Variants in SYT16 observed in about 807,000 individuals in gnomAD.
SYT16 encodes the protein synaptotagmin-16.
A neutral mutation model predicts 61.4 loss-of-function variants in SYT16; 42 were observed. That is an observed-to-expected ratio of 0.68 (90% CI 0.53 to 0.89). The LOEUF is 0.89. Ranked by LOEUF, SYT16 falls within the 40% of genes least tolerant of loss-of-function variation. The pLI, the probability that SYT16 is intolerant of heterozygous loss-of-function variation, is 0.00. For synonymous variants in SYT16, 314 were observed against 302.3 expected, an observed-to-expected ratio of 1.04 and a Z score of -0.40; for missense variants, 804 against 807.3, an observed-to-expected ratio of 1.00 and a Z score of 0.05.
chr14:62,079,365 G>A (rs1462147276), intron 5 of SYT16: 1 of 1,219,936 alleles, frequency 8.2e-7, no homozygotes, highest in African/African-American at 1.6e-5. Context: ...AAAAGAAAAG[G>A]ATATTTATTA....
chr14:61,938,241 T>C (rs2050067917), intron 1 of SYT16, among the ~76,000 whole-genome samples: 2 of 152,182 alleles, frequency 1.3e-5, no homozygotes, highest in African/African-American at 4.8e-5. Context: ...CTGGTGTTTA[T>C]TGAATGATAC....
At chr14:61,950,437 T>TC (rs2050624339) in intron 1 of SYT16, among the ~76,000 whole-genome samples, 1 of 152,200 alleles carries the variant, frequency 6.6e-6, no homozygotes, top group African/African-American at 2.4e-5. Flanking sequence ...CATGTAATCT[T>TC]CCCTTGATGT....
intron 1 of SYT16, among the ~76,000 whole-genome samples, chr14:61,947,758 T>G (rs1216429607): frequency 1.3e-5 from 2 of 152,198 alleles, no homozygotes; most frequent in African/African-American, 2.4e-5. Context: ...TGGATTAAAC[T>G]AACAATGATG....
At chr14:62,050,954 G>C (rs527661398) in intron 3 of SYT16, among the ~76,000 whole-genome samples, 2 of 152,330 alleles carry the variant, frequency 1.3e-5, no homozygotes, top group East Asian at 1.9e-4. Context: ...TCCGTTCTCA[G>C]ATCTCAAGCT....
At chr14:62,084,481 A>G in intron 7 of SYT16, 96 bp downstream of exon 7, 1 of 1,374,996 alleles carries the variant, frequency 7.3e-7, no homozygotes, top group Non-Finnish European at 9.7e-7. Context: ...TTACCATAAA[A>G]ATGATCTTAT....
intron 3 of SYT16, among the ~76,000 whole-genome samples, chr14:62,034,234 C>G (rs560286991): frequency 6.6e-6 from 1 of 152,072 alleles, no homozygotes; most frequent in African/African-American, 2.4e-5. Flanking sequence ...AAAATTGGAA[C>G]CTTAATATAC....
chr14:61,820,230 A>G (rs1353945552), intron 1 of SYT16, among the ~76,000 whole-genome samples: 2 of 152,242 alleles, frequency 1.3e-5, no homozygotes, highest in African/African-American at 4.8e-5. Flanking sequence ...TACCATGAGC[A>G]TGTGGATTTG....
At chr14:61,914,521 G>T (rs1392825172) in intron 1 of SYT16, among the ~76,000 whole-genome samples, 1 of 152,186 alleles carries the variant, frequency 6.6e-6, no homozygotes, top group Non-Finnish European at 1.5e-5. Context: ...GTTCAGGACA[G>T]ACTCCCTACC....
intron 7 of SYT16, among the ~76,000 whole-genome samples, chr14:62,097,640 T>A (rs1057344153): frequency 5.9e-5 from 9 of 152,236 alleles, no homozygotes; most frequent in Non-Finnish European, 1.2e-4. Context: ...CTTCCTTTTG[T>A]CTGGTGTCTT....
Position 61,820,385 on chromosome 14 carries a change from TG to T in SYT16, c.-325+7578del, listed in dbSNP as rs370348273. Among the ~76,000 whole-genome samples, 325 of 148,292 alleles carry T rather than the reference TG, an allele frequency of 2.2e-3. 3 individuals are homozygous for T. Among genetic ancestry groups the T allele is most frequent in the African/African-American group, 6.9e-3 (279 of 40,626 alleles). On this transcript the variant is annotated intron_variant, in intron 1 of 7. Transcript: ENST00000683842. Reference sequence around the variant, plus strand: ...GCTGATGTGCATTTGGCGATCTCTCTGGGCTTCGTGGCCTACCCCTCTCAGG... The same window carrying T: ...GCTGATGTGCATTTGGCGATCTCTCTGGCTTCGTGGCCTACCCCTCTCAGG...
chr14:62,069,365 A>G (rs8017566), intron 3 of SYT16, among the ~76,000 whole-genome samples: 5,752 of 152,264 alleles, frequency 0.038, 273 homozygotes, highest in African/African-American at 0.12. Flanking sequence ...GGGTGTCCCA[A>G]TGATTTGTCT....
intron 1 of SYT16, among the ~76,000 whole-genome samples, chr14:61,915,369 T>C (rs191857896): frequency 2.6e-5 from 4 of 152,296 alleles, no homozygotes; most frequent in Admixed American, 6.5e-5. Flanking sequence ...TATAGATGTA[T>C]GCATACATAA....
chr14:61,962,859 A>G (rs1354253127), intron 1 of SYT16, among the ~76,000 whole-genome samples: 2 of 151,962 alleles, frequency 1.3e-5, no homozygotes, highest in Non-Finnish European at 2.9e-5. Context: ...TCTGGCTTCT[A>G]TTTATTAGTT....
chr14:62,055,991 A>G (rs2055536738), intron 3 of SYT16, among the ~76,000 whole-genome samples: 1 of 151,918 alleles, frequency 6.6e-6, no homozygotes, highest in South Asian at 2.1e-4. Flanking sequence ...GGAAGCATTC[A>G]GTGTGGGAGA....
At chr14:61,895,018 C>T (rs2048277824) in intron 1 of SYT16, among the ~76,000 whole-genome samples, 2 of 152,146 alleles carry the variant, frequency 1.3e-5, no homozygotes, top group African/African-American at 4.8e-5. Flanking sequence ...TGCCAGCTGC[C>T]TCACTCCTCA....
In SYT16 at chr14:61,845,039, C is replaced by CTTTTTTTTTTT. The variant is rs35131511; in HGVS notation, c.-325+32245_-325+32255dup. 2.8e-4 allele frequency among the ~76,000 whole-genome samples: 27 copies of CTTTTTTTTTTT among 97,620 alleles called. 1 individual carries two copies. Among genetic ancestry groups the CTTTTTTTTTTT allele is most frequent in the African/African-American group, 1.2e-3 (26 of 20,984 alleles). The allele number at this position is 97,620 out of a possible 152,430, so 64.0% of individuals were successfully genotyped here. ...TTGCAAGCTTTTCTTTACTAGAAGACTTTTTTTTTTTTTTTTTTTTTTTTT... is the reference window on the plus strand; with the variant it reads ...TTGCAAGCTTTTCTTTACTAGAAGACTTTTTTTTTTTTTTTTTTTTTTTTTTTTTTTTTTTT... On this transcript the variant is annotated intron_variant, in intron 1 of 7. Coordinates refer to ENST00000683842, the MANE Select transcript of SYT16 (RefSeq NM_001367656.1).
chr14:61,812,266 G>C (rs1289068947), upstream of SYT16: 1 of 152,422 alleles, frequency 6.6e-6, no homozygotes, highest in Non-Finnish European at 1.5e-5. Context: ...CACACCCCTA[G>C]CTCTTCTCCC....
intron 1 of SYT16, among the ~76,000 whole-genome samples, chr14:61,879,811 A>G (rs1453167990): frequency 6.6e-6 from 1 of 152,214 alleles, no homozygotes; most frequent in Non-Finnish European, 1.5e-5. Flanking sequence ...CAAATTCCTG[A>G]CATCGATCTA....
intron 7 of SYT16, among the ~76,000 whole-genome samples, chr14:62,089,451 A>G (rs537158609): frequency 6.6e-6 from 1 of 152,208 alleles, no homozygotes; most frequent in African/African-American, 2.4e-5. Context: ...ATTTCTATGT[A>G]TCTATCTGTC....
Sources: gnomAD v4.1 joint callset for allele counts (sites outside exome capture counted in the v4.1 genomes callset) on GRCh38, gnomAD v4.1.1 for gene constraint, MANE v1.5 for transcripts, NCBI Gene and HGNC (gene_info 2026-07-23, HGNC 2026-07-21) for gene names.